TGIF2: variants seen among roughly 807,000 people sequenced by gnomAD.
The protein encoded by TGIF2 is homeobox protein TGIF2.
In TGIF2, 5 loss-of-function variants were observed where a neutral mutation model predicts 15.1. The ratio of observed to expected loss-of-function variants is 0.33; its 90% CI spans 0.17 to 0.70. TGIF2 has a LOEUF of 0.70. TGIF2 is among the 30% of genes least tolerant of loss of function. The pLI is 0.67. For synonymous variants in TGIF2, 131 were observed against 128.9 expected, an observed-to-expected ratio of 1.02 and a Z score of -0.11; for missense variants, 264 against 302.5, an observed-to-expected ratio of 0.87 and a Z score of 0.94.
Position 36,590,937 on chromosome 20 carries a change from C to G in TGIF2, c.220C>G (p.Arg74Gly). The G allele has an allele frequency of 6.6e-7, 1 of 1,517,872 alleles. No homozygotes were observed. Among genetic ancestry groups the G allele is most frequent in the Non-Finnish European group, 8.8e-7 (1 of 1,131,254 alleles). 94.0% of individuals were successfully genotyped at this position (1,517,872 alleles called of 1,614,324 possible). A position where few individuals can be genotyped will look rare whatever the true frequency, so the allele number is the denominator to read the frequency against. The change falls in exon 3 of 3, where the codon CGG (arginine) becomes GGG (glycine). Residue 74 changes from arginine to glycine, a missense_variant. Arg to Gly is a moderately radical substitution (Grantham distance 125). Coordinates refer to ENST00000373872, the MANE Select transcript of TGIF2 (RefSeq NM_021809.7). ...ATGTAACTGGTTCATCAATGCCCGG[C>G]GGCGGCTTCTCCCAGACATGCTTCG... Reference protein sequence around the residue: ...QICNWFINARRRLLPDMLRKD... With the variant: ...QICNWFINARGRLLPDMLRKD...
chr20:36,590,849 G>A, intron 2 of TGIF2, 61 bp from the exon 3 acceptor site: 1 of 1,486,172 alleles, frequency 6.7e-7, no homozygotes. Context: ...GTGAGCCACT[G>A]TGCCCAGCCC....
chr20:36,578,661 G>A (rs2038480905), intron 1 of TGIF2, 80 bp from the exon 2 acceptor site: 1 of 1,436,288 alleles, frequency 7.0e-7, no homozygotes, highest in Non-Finnish European at 9.3e-7. Context: ...CCAGGCTCAA[G>A]TAATGCTGAG....
intron 2 of TGIF2, among the ~76,000 whole-genome samples, chr20:36,588,061 C>A (rs749441527): frequency 2.7e-5 from 4 of 149,922 alleles, no homozygotes; most frequent in African/African-American, 9.9e-5. Context: ...CAGAGTGAGA[C>A]CCTGTCTTTA....
intron 1 of TGIF2, among the ~76,000 whole-genome samples, chr20:36,574,025 C>G (rs1315938266): frequency 6.6e-6 from 1 of 150,934 alleles, no homozygotes; most frequent in Admixed American, 6.6e-5. Context: ...GGATCCCACC[C>G]CAGGAGAGGG....
chr20:36,574,377 C>T (rs993795124), intron 1 of TGIF2, among the ~76,000 whole-genome samples: 100 of 129,860 alleles, frequency 7.7e-4, no homozygotes, highest in African/African-American at 2.6e-3. Context: ...CCAAGCCTCC[C>T]GCGGGAGAAG....
Position 36,591,424 on chromosome 20 carries a change from C to G in TGIF2, c.707C>G (p.Pro236Arg), listed in dbSNP as rs939258072. ...CCCATCCCTTTAGTCTCTGAAAATC[C>G]CCAGTAGGCATCTGCCAAGAAGGGT... is the stretch of plus-strand genomic sequence containing the variant. Reference protein sequence around the residue: ...HTPIPLVSENPQ With the variant: ...HTPIPLVSENRQ Residue 236 changes from proline to arginine, a missense_variant, in exon 3 of 3, where the codon CCC becomes CGC. Physicochemically the swap from Pro to Arg is moderately radical, Grantham distance 103. Transcript: ENST00000373872. This position sits in a 1 kb window ranked among gnomAD's most constrained non-coding sequence, Gnocchi z 5.3. 6.2e-7 allele frequency: 1 copy of G among 1,603,626 alleles called. No homozygotes were observed. The highest frequency in any genetic ancestry group is 1.7e-5 in the Admixed American group (1 of 59,224).
intron 2 of TGIF2, among the ~76,000 whole-genome samples, chr20:36,590,536 C>T (rs2038748152): frequency 1.1e-5 from 1 of 89,388 alleles, no homozygotes; most frequent in Admixed American, 1.0e-4. Context: ...GTTCTGGGGT[C>T]CTGAGACATA....
chr20:36,590,878 G>A, intron 2 of TGIF2, 32 bp from the exon 3 acceptor site: 2 of 1,502,872 alleles, frequency 1.3e-6, no homozygotes, highest in Non-Finnish European at 1.8e-6. Flanking sequence ...TTTAGATTAA[G>A]CAAATTGATC....
In TGIF2 at chr20:36,592,451, T is replaced by G. The variant is rs1488974421; in HGVS notation, c.*1020T>G. Reference sequence around the variant, plus strand: ...TCTTGAACACTTTTGCCCTGCAGCCTCAGTTTTGAATTCTTTTAGCAACTT... The same window carrying G: ...TCTTGAACACTTTTGCCCTGCAGCCGCAGTTTTGAATTCTTTTAGCAACTT... On this transcript the variant is annotated 3_prime_UTR_variant, in exon 3 of 3. Transcript: ENST00000373872. 6.6e-6 allele frequency: 1 copy of G among 152,370 alleles called. No individual in the cohort carries two copies. Among genetic ancestry groups the G allele is most frequent in the African/African-American group, 2.4e-5 (1 of 41,402 alleles). 9.4% of individuals were successfully genotyped at this position (152,370 alleles called of 1,614,324 possible).
intron 2 of TGIF2, among the ~76,000 whole-genome samples, chr20:36,580,481 C>G (rs2147925806): frequency 6.6e-6 from 1 of 152,218 alleles, no homozygotes; most frequent in South Asian, 2.1e-4. Flanking sequence ...GTAGCACTTT[C>G]ATGAGTGTAG....
At chr20:36,583,898 A>T (rs2038598023) in intron 2 of TGIF2, among the ~76,000 whole-genome samples, 1 of 152,080 alleles carries the variant, frequency 6.6e-6, no homozygotes, top group Non-Finnish European at 1.5e-5. Context: ...CTCTGTCTCA[A>T]AAAAGAAAAG....
intron 2 of TGIF2, among the ~76,000 whole-genome samples, chr20:36,584,674 G>A (rs2038617223): frequency 6.6e-6 from 1 of 151,756 alleles, no homozygotes; most frequent in African/African-American, 2.4e-5. Flanking sequence ...AGCCTCCCGA[G>A]TAGCTGGGAT....
At position 36,590,964 on chromosome 20, in the gene TGIF2, A is replaced by C; in HGVS notation, c.247A>C (p.Lys83Gln). 6.5e-7 allele frequency: 1 copy of C among 1,537,124 alleles called. No homozygotes were observed. The highest frequency in any genetic ancestry group is 1.4e-5 in the African/African-American group (1 of 72,434). The change falls in exon 3 of 3, where the codon AAG becomes CAG. Residue 83 changes from lysine (K) to glutamine (Q), a missense_variant. Lys to Gln is a moderately conservative substitution (Grantham distance 53). Transcript: ENST00000373872. ...RRRLLPDMLRKDGKDPNQFTI... is the reference protein window; with the variant it reads ...RRRLLPDMLRQDGKDPNQFTI... Reference sequence around the variant, plus strand: ...GCGGCTTCTCCCAGACATGCTTCGGAAGGATGGCAAAGACCCTAATCAGTT... The same window carrying C: ...GCGGCTTCTCCCAGACATGCTTCGGCAGGATGGCAAAGACCCTAATCAGTT...
intron 2 of TGIF2, among the ~76,000 whole-genome samples, chr20:36,586,693 T>TCCC (rs5841237): frequency 4.9e-5 from 6 of 121,920 alleles, no homozygotes; most frequent in South Asian, 2.7e-4. Flanking sequence ...AGACTCCATT[T>TCCC]CCCCCCCCCC....
At chr20:36,579,090 C>T (rs1293687309) in intron 2 of TGIF2, 124 bp downstream of exon 2, 2 of 1,355,242 alleles carry the variant, frequency 1.5e-6, no homozygotes, top group South Asian at 1.5e-5. Flanking sequence ...TCGGTTTCTT[C>T]TTGGGTTAGG....
chr20:36,581,957 C>T (rs946180294), intron 2 of TGIF2, among the ~76,000 whole-genome samples: 1 of 151,806 alleles, frequency 6.6e-6, no homozygotes, highest in Admixed American at 6.6e-5. Flanking sequence ...ATTTTTCGGC[C>T]GGGAATGGTG....
At chr20:36,573,997 G>C (rs917177736) in intron 1 of TGIF2, among the ~76,000 whole-genome samples, 19 of 151,790 alleles carry the variant, frequency 1.3e-4, no homozygotes, top group African/African-American at 3.9e-4. Context: ...GGGCCCTGGT[G>C]GGGGGCCCAG....
At chr20:36,589,690 C>T (rs1183104233) in intron 2 of TGIF2, among the ~76,000 whole-genome samples, 2 of 151,904 alleles carry the variant, frequency 1.3e-5, no homozygotes, top group Admixed American at 6.6e-5. Context: ...CACGCTCGAC[C>T]GACTTTTTTT....
chr20:36,591,189 G>T lies in TGIF2; in HGVS notation c.472G>T (p.Val158Leu). ...GGAGCTGGAGTCTCCCAAGCCCCTGGTGACCCCTGGTAGCACACTTACTCT... is the reference window on the plus strand; with the variant it reads ...GGAGCTGGAGTCTCCCAAGCCCCTGTTGACCCCTGGTAGCACACTTACTCT... ...RGELESPKPLVTPGSTLTLLT... is the reference protein window; with the variant it reads ...RGELESPKPLLTPGSTLTLLT... The change falls in exon 3 of 3, where the codon GTG becomes TTG. Residue 158 changes from valine (V) to leucine (L), a missense_variant. Physicochemically the swap from Val to Leu is conservative, Grantham distance 32. Transcript: ENST00000373872. This position sits in a 1 kb window ranked among gnomAD's most constrained non-coding sequence, Gnocchi z 5.3. 6.2e-7 allele frequency: 1 copy of T among 1,614,180 alleles called. No individual in the cohort carries two copies. The highest frequency in any genetic ancestry group is 8.5e-7 in the Non-Finnish European group (1 of 1,180,008).
Sources: gnomAD v4.1 joint callset for allele counts (sites outside exome capture counted in the v4.1 genomes callset) on GRCh38, gnomAD v4.1.1 for gene constraint, Gnocchi (gnomAD v3.1) non-coding constraint, MANE v1.5 for transcripts, NCBI Gene and HGNC (gene_info 2026-07-23, HGNC 2026-07-21) for gene names.